GRIP1: variants seen among roughly 807,000 people sequenced by gnomAD.
GRIP1 encodes the protein glutamate receptor-interacting protein 1.
A neutral mutation model predicts 129.9 loss-of-function variants in GRIP1; 45 were observed. The ratio of observed to expected loss-of-function variants is 0.35; its 90% CI spans 0.27 to 0.44. GRIP1 has a LOEUF of 0.44. GRIP1 is among the 20% of genes least tolerant of loss of function. GRIP1 has a pLI of 1.00. For missense variants in GRIP1, 1,196 were observed against 1,396.8 expected, an observed-to-expected ratio of 0.86 and a Z score of 2.29; for synonymous variants, 530 against 520.8, an observed-to-expected ratio of 1.02 and a Z score of -0.24.
chr12:66,872,231 G>T (rs923985510), intron 1 of GRIP1, among the ~76,000 whole-genome samples: 1 of 151,998 alleles, frequency 6.6e-6, no homozygotes, highest in African/African-American at 2.4e-5. Context: ...GCTTTAGGGG[G>T]AGTCCTAACT....
At chr12:66,994,993 A>G (rs2042446142) in intron 1 of GRIP1, among the ~76,000 whole-genome samples, 1 of 152,096 alleles carries the variant, frequency 6.6e-6, no homozygotes, top group African/African-American at 2.4e-5. Flanking sequence ...ATAAGGATAG[A>G]TATGTAGATT....
At chr12:67,041,835 C>T (rs1422991295) in intron 1 of GRIP1, among the ~76,000 whole-genome samples, 1 of 151,822 alleles carries the variant, frequency 6.6e-6, no homozygotes, top group Non-Finnish European at 1.5e-5. Context: ...TTTGTATAGG[C>T]TGTAAGTTCC....
At chr12:67,020,883 T>G (rs989847565) in intron 1 of GRIP1, among the ~76,000 whole-genome samples, 23 of 151,952 alleles carry the variant, frequency 1.5e-4, no homozygotes, top group Admixed American at 3.9e-4. Context: ...GAGGATCACT[T>G]TAGTCCAGGA....
intron 2 of GRIP1, among the ~76,000 whole-genome samples, chr12:66,588,500 A>T (rs540621745): frequency 2.6e-5 from 4 of 152,334 alleles, no homozygotes; most frequent in African/African-American, 9.6e-5. Flanking sequence ...GCAGAGGCTC[A>T]ACTGGCCTTG....
chr12:66,618,374 C>T (rs1307439317), intron 1 of GRIP1, among the ~76,000 whole-genome samples: 1 of 151,982 alleles, frequency 6.6e-6, no homozygotes, highest in African/African-American at 2.4e-5. Context: ...TCTAAGAAAC[C>T]AATAAAAGTG....
chr12:66,876,543 C>A (rs2040386330), intron 1 of GRIP1, among the ~76,000 whole-genome samples: 1 of 152,004 alleles, frequency 6.6e-6, no homozygotes, highest in African/African-American at 2.4e-5. Flanking sequence ...GACAATAGAT[C>A]TGATGAATAT....
chr12:66,928,580 G>A (rs1398552022), intron 1 of GRIP1, among the ~76,000 whole-genome samples: 2 of 152,108 alleles, frequency 1.3e-5, no homozygotes, highest in African/African-American at 4.8e-5. Context: ...GCCTTTAAGA[G>A]AATCATGGAT....
intron 1 of GRIP1, among the ~76,000 whole-genome samples, chr12:66,922,649 C>A (rs962882754): frequency 1.3e-5 from 2 of 152,150 alleles, no homozygotes; most frequent in Admixed American, 1.3e-4. Flanking sequence ...TAAGAGTATC[C>A]AAACAGATTT....
chr12:66,696,804 CAAAAAAAAAAA>C (rs35445606), intron 1 of GRIP1, among the ~76,000 whole-genome samples: 9 of 103,714 alleles, frequency 8.7e-5, no homozygotes, highest in Admixed American at 1.8e-4. Flanking sequence ...GACTCTGTCT[CAAAAAAAAAAA>C]AAAAAAAAAA....
intron 1 of GRIP1, among the ~76,000 whole-genome samples, chr12:66,825,547 G>A (rs2039395749): frequency 1.3e-5 from 2 of 152,076 alleles, no homozygotes. Flanking sequence ...GAGACTTCAG[G>A]CAAGGCACTT....
chr12:66,654,517 G>A (rs2033016502), intron 1 of GRIP1, among the ~76,000 whole-genome samples: 1 of 152,188 alleles, frequency 6.6e-6, no homozygotes, highest in African/African-American at 2.4e-5. Context: ...TAAGAAAAGA[G>A]GAGTTAGGAG....
At position 66,612,904 on chromosome 12, in the gene GRIP1, G is replaced by C. The variant is rs1480058731; in HGVS notation, c.56-15977C>G. Among the ~76,000 whole-genome samples, 2 of 152,076 alleles carry C rather than the reference G, an allele frequency of 1.3e-5. 1 individual carries two copies. The highest frequency in any genetic ancestry group is 2.9e-5 in the Non-Finnish European group (2 of 67,998). ...CTCATGCAAATGAAGATTTTTAAAAGAATGTTCTTCTTCATATGTTTCTAT... is the reference window on the plus strand; with the variant it reads ...CTCATGCAAATGAAGATTTTTAAAACAATGTTCTTCTTCATATGTTTCTAT... On this transcript the variant is annotated intron_variant, in intron 1 of 24. Transcript: ENST00000359742.
At chr12:66,411,259 G>A (rs1187199984) in intron 15 of GRIP1, among the ~76,000 whole-genome samples, 1 of 152,116 alleles carries the variant, frequency 6.6e-6, no homozygotes, top group South Asian at 2.1e-4. Flanking sequence ...GCCCCTCTGG[G>A]ACAGAGCTCC....
chr12:66,357,435 G>A (rs2054547732), intron 23 of GRIP1, among the ~76,000 whole-genome samples: 1 of 152,184 alleles, frequency 6.6e-6, no homozygotes, highest in Non-Finnish European at 1.5e-5. Flanking sequence ...ACTGGGGGCA[G>A]GAACAGTTCA....
intron 19 of GRIP1, among the ~76,000 whole-genome samples, chr12:66,389,379 C>T (rs796772207): frequency 3.8e-4 from 57 of 151,086 alleles, no homozygotes; most frequent in African/African-American, 1.4e-3. Flanking sequence ...AGGTGTGTGC[C>T]ACCACGCCTG....
chr12:66,371,820 C>T lies in GRIP1; in HGVS notation c.2886G>A (p.Pro962=), dbSNP rs375330927. Residue 962 remains proline, a synonymous_variant, in exon 23 of 25, where the codon CCG becomes CCA. Coordinates refer to ENST00000359742, the MANE Select transcript of GRIP1 (RefSeq NM_001366722.1). ...ASFQERSSSR[P]HYSQTTRSNT... Reference sequence around the variant, plus strand: ...TGCTCCGAGTTGTTTGGCTGTAGTGCGGCCGCGAGCTGCTGCGCTCCTGGA... The same window carrying T: ...TGCTCCGAGTTGTTTGGCTGTAGTGTGGCCGCGAGCTGCTGCGCTCCTGGA... The T allele has an allele frequency of 3.2e-4, 513 of 1,613,862 alleles. No individual in the cohort carries two copies. The highest frequency in any genetic ancestry group is 5.0e-4 in the Middle Eastern group (3 of 6,018).
At chr12:66,657,001 A>G (rs1486315932) in intron 1 of GRIP1, among the ~76,000 whole-genome samples, 3 of 152,184 alleles carry the variant, frequency 2.0e-5, no homozygotes, top group African/African-American at 7.2e-5. Flanking sequence ...ATTCTTGTGT[A>G]ATTTACTATC....
intron 1 of GRIP1, among the ~76,000 whole-genome samples, chr12:66,678,408 T>C (rs2034437517): frequency 6.6e-6 from 1 of 152,174 alleles, no homozygotes; most frequent in African/African-American, 2.4e-5. Context: ...TGGAAAGTCA[T>C]AGAACAAACA....
intron 7 of GRIP1, among the ~76,000 whole-genome samples, chr12:66,510,004 A>T: frequency 6.6e-6 from 1 of 152,052 alleles, no homozygotes; most frequent in East Asian, 1.9e-4. Context: ...CTTTTATGTT[A>T]CTTTTCCAAC....
Sources: allele counts gnomAD v4.1 joint callset (sites outside exome capture counted in the v4.1 genomes callset), GRCh38; gene constraint gnomAD v4.1.1; transcripts MANE v1.5; gene names NCBI Gene and HGNC (gene_info 2026-07-23, HGNC 2026-07-21).